LINGO2: variants seen among roughly 807,000 people sequenced by gnomAD.
The protein encoded by LINGO2 is leucine rich repeat and Ig domain containing 2.
In LINGO2, 14 loss-of-function variants were observed where a neutral mutation model predicts 30.6. The ratio of observed to expected loss-of-function variants is 0.46; its 90% CI spans 0.30 to 0.72. LINGO2 has a LOEUF of 0.72. Among genes scored for constraint, LINGO2 ranks in the 30% least tolerant of loss-of-function variants. The probability of loss-of-function intolerance (pLI) is 0.07; values close to 1 mark genes in which losing one functional copy is unlikely to be tolerated. For missense variants in LINGO2, 729 were observed against 751.7 expected (o/e 0.97, Z 0.35); for synonymous variants, 317 against 288.5 (o/e 1.10, Z -1.00).
intron 1 of LINGO2, among the ~76,000 whole-genome samples, chr9:28,498,412 GT>G (rs931498779): frequency 6.6e-6 from 1 of 152,186 alleles, no homozygotes; most frequent in African/African-American, 2.4e-5. Context: ...TCAGACTGCT[GT>G]GCTAGCAATG....
At chr9:29,025,197 G>A in the LINGO2 span, among the ~76,000 whole-genome samples, 1 of 151,902 alleles carries the variant, frequency 6.6e-6, no homozygotes. Flanking sequence ...GGAAACCCCT[G>A]ATTACTGAGA....
At chr9:28,988,205 G>T in the LINGO2 span, among the ~76,000 whole-genome samples, 1 of 151,830 alleles carries the variant, frequency 6.6e-6, no homozygotes, top group African/African-American at 2.4e-5. Context: ...ATTTATCTAG[G>T]TGCTCCCATG....
the LINGO2 span, among the ~76,000 whole-genome samples, chr9:29,072,207 G>T: frequency 6.6e-6 from 1 of 152,044 alleles, no homozygotes; most frequent in Admixed American, 6.6e-5. Context: ...TAATTGCAAA[G>T]TTCCAAGAGC....
At chr9:28,848,049 ATATATATATAT>A in the LINGO2 span, among the ~76,000 whole-genome samples, 3 of 26,632 alleles carry the variant, frequency 1.1e-4, no homozygotes, top group Non-Finnish European at 2.2e-4. Context: ...TATATAGTAT[ATATATATATAT>A]ATGTATATAA....
At chr9:28,861,093 A>C in the LINGO2 span, among the ~76,000 whole-genome samples, 1 of 121,626 alleles carries the variant, frequency 8.2e-6, no homozygotes, top group Non-Finnish European at 1.6e-5. Context: ...AATATAAATT[A>C]TATAAATATA....
intron 4 of LINGO2, among the ~76,000 whole-genome samples, chr9:28,117,247 T>C (rs559041988): frequency 1.8e-4 from 28 of 151,952 alleles, no homozygotes; most frequent in African/African-American, 6.3e-4. Flanking sequence ...AGGGACCCAC[T>C]TGAGGAGGCA....
At chr9:28,172,109 C>T (rs577081857) in intron 4 of LINGO2, among the ~76,000 whole-genome samples, 5 of 149,478 alleles carry the variant, frequency 3.3e-5, no homozygotes, top group Admixed American at 2.0e-4. Context: ...TAAGAATTCA[C>T]GGCCCGGCGC....
At chr9:28,424,115 C>G (rs1587652560) in intron 2 of LINGO2, among the ~76,000 whole-genome samples, 2 of 152,196 alleles carry the variant, frequency 1.3e-5, no homozygotes, top group East Asian at 3.9e-4. Context: ...AATTAAGTCA[C>G]TTGGTAGGAT....
At chr9:28,102,867 G>C (rs1826460017) in intron 4 of LINGO2, among the ~76,000 whole-genome samples, 1 of 152,168 alleles carries the variant, frequency 6.6e-6, no homozygotes, top group Admixed American at 6.6e-5. Flanking sequence ...AAGCCTGGCA[G>C]TCCAGCACTT....
chr9:28,902,042 T>C, the LINGO2 span, among the ~76,000 whole-genome samples: 5 of 151,976 alleles, frequency 3.3e-5, no homozygotes, highest in African/African-American at 1.2e-4. Flanking sequence ...ATAATAACAA[T>C]AATAATAATG....
intron 4 of LINGO2, among the ~76,000 whole-genome samples, chr9:28,029,922 A>G (rs548663390): frequency 6.6e-6 from 1 of 152,308 alleles, no homozygotes; most frequent in South Asian, 2.1e-4. Flanking sequence ...GTCCCTAGAG[A>G]AATAGGAAGA....
At chr9:29,076,011 T>G in the LINGO2 span, among the ~76,000 whole-genome samples, 1 of 151,852 alleles carries the variant, frequency 6.6e-6, no homozygotes, top group African/African-American at 2.4e-5. Flanking sequence ...CCACAGCCTC[T>G]CTGTGCACCA....
the LINGO2 span, among the ~76,000 whole-genome samples, chr9:29,028,182 C>T: frequency 6.6e-6 from 1 of 152,124 alleles, no homozygotes; most frequent in Non-Finnish European, 1.5e-5. Context: ...CAGGGTCTAC[C>T]TTCTAGCTCT....
At chr9:28,308,724 C>T (rs1473896247) in intron 3 of LINGO2, among the ~76,000 whole-genome samples, 1 of 150,982 alleles carries the variant, frequency 6.6e-6, no homozygotes, top group Non-Finnish European at 1.5e-5. Context: ...TGAACTCAAA[C>T]AAATTTACAA....
At chr9:28,814,382 A>G in the LINGO2 span, among the ~76,000 whole-genome samples, 1 of 152,010 alleles carries the variant, frequency 6.6e-6, no homozygotes, top group African/African-American at 2.4e-5. Flanking sequence ...GATTGCAGTG[A>G]GCCAAGAGAG....
chr9:28,067,134 T>C (rs1316463030), intron 4 of LINGO2, among the ~76,000 whole-genome samples: 1 of 152,128 alleles, frequency 6.6e-6, no homozygotes, highest in Admixed American at 6.6e-5. Context: ...GTCACATACC[T>C]TTTATATTTA....
intron 3 of LINGO2, among the ~76,000 whole-genome samples, chr9:28,338,226 C>T (rs1457079553): frequency 6.6e-6 from 1 of 152,208 alleles, no homozygotes; most frequent in Non-Finnish European, 1.5e-5. Flanking sequence ...TAATATTTGA[C>T]TGTCCTGCTG....
the LINGO2 span, among the ~76,000 whole-genome samples, chr9:29,016,864 A>G: frequency 6.6e-6 from 1 of 152,190 alleles, no homozygotes; most frequent in African/African-American, 2.4e-5. Context: ...GATCATCTTT[A>G]GAGGCTGCAA....
the LINGO2 span, among the ~76,000 whole-genome samples, chr9:28,777,832 C>G: frequency 6.6e-6 from 1 of 152,150 alleles, no homozygotes; most frequent in Non-Finnish European, 1.5e-5. Context: ...CAAGGGACTT[C>G]CACAAATAAG....
Sources: gnomAD v4.1 joint callset for allele counts (sites outside exome capture counted in the v4.1 genomes callset) on GRCh38, gnomAD v4.1.1 for gene constraint, MANE v1.5 for transcripts, NCBI Gene and HGNC (gene_info 2026-07-23, HGNC 2026-07-21) for gene names.